The following GOLIM4 variants were observed in gnomAD, a reference collection of about 807,000 sequenced individuals.
GOLIM4 encodes golgi integral membrane protein 4, also known as 130 kDa golgi-localized phosphoprotein.
A neutral mutation model predicts 107.4 loss-of-function variants in GOLIM4; 71 were observed. The ratio of observed to expected loss-of-function variants is 0.66; its 90% CI spans 0.55 to 0.81. The LOEUF (loss-of-function observed/expected upper bound fraction) is 0.81. Among genes scored for constraint, GOLIM4 ranks in the 30% least tolerant of loss-of-function variants. The pLI is 0.00. For missense variants in GOLIM4, 830 were observed against 826.1 expected, an observed-to-expected ratio of 1.00 and a Z score of -0.06; for synonymous variants, 327 against 294.8, an observed-to-expected ratio of 1.11 and a Z score of -1.12.
chr3:168,057,033 A>T (rs1027789045), intron 1 of GOLIM4, among the ~76,000 whole-genome samples: 1 of 152,080 alleles, frequency 6.6e-6, no homozygotes, highest in Admixed American at 6.6e-5. Context: ...TTGAATTCCC[A>T]TATGTTGAGG....
At chr3:168,083,401 G>A (rs950288791) in intron 1 of GOLIM4, among the ~76,000 whole-genome samples, 2 of 152,144 alleles carry the variant, frequency 1.3e-5, no homozygotes, top group Non-Finnish European at 2.9e-5. Flanking sequence ...TTATCAATGG[G>A]TTTTGAAACT....
At chr3:168,031,576 G>A (rs980787842) in intron 9 of GOLIM4, among the ~76,000 whole-genome samples, 7 of 152,326 alleles carry the variant, frequency 4.6e-5, no homozygotes, top group Non-Finnish European at 7.4e-5. Context: ...AAGGAAAGAG[G>A]TAGAGGGTTG....
chr3:168,062,288 T>C (rs1414010998), intron 1 of GOLIM4, among the ~76,000 whole-genome samples: 1 of 152,098 alleles, frequency 6.6e-6, no homozygotes, highest in Non-Finnish European at 1.5e-5. Flanking sequence ...TCACTGGAAA[T>C]CTTGTCCTAA....
chr3:168,090,490 A>T (rs1721854195), intron 1 of GOLIM4, among the ~76,000 whole-genome samples: 1 of 152,230 alleles, frequency 6.6e-6, no homozygotes, highest in Non-Finnish European at 1.5e-5. Flanking sequence ...CACTAGTCAG[A>T]ACGGCTTTTA....
chr3:168,032,859 C>T lies in GOLIM4; in HGVS notation c.844-7G>A, dbSNP rs1007765009. The stretch of plus-strand genomic sequence containing the variant: ...CATCATTATTTCGAGACACCTAGGC[C>T]AAGCACATCACTGGGAATGACACTC... On this transcript the variant is annotated splice_polypyrimidine_tract_variant and splice_region_variant and intron_variant, in intron 8 of 15. Transcript: ENST00000470487. The T allele has an allele frequency of 6.3e-7, 1 of 1,594,164 alleles. No homozygotes were observed. Among genetic ancestry groups the T allele is most frequent in the Admixed American group, 1.7e-5 (1 of 58,830 alleles).
intron 1 of GOLIM4, among the ~76,000 whole-genome samples, chr3:168,076,835 T>C (rs1668277863): frequency 6.6e-6 from 1 of 152,226 alleles, no homozygotes; most frequent in Admixed American, 6.5e-5. Flanking sequence ...AAAAATCCAG[T>C]ATGAAAGTTT....
At chr3:168,084,824 C>T (rs1232051052) in intron 1 of GOLIM4, among the ~76,000 whole-genome samples, 2 of 151,984 alleles carry the variant, frequency 1.3e-5, no homozygotes, top group African/African-American at 4.8e-5. Context: ...TTTAAGAAGG[C>T]TGATGGAAGG....
At chr3:168,044,765 A>G (rs1270856024) in intron 4 of GOLIM4, 63 bp downstream of exon 4, 6 of 873,110 alleles carry the variant, frequency 6.9e-6, no homozygotes, top group East Asian at 5.1e-5. Flanking sequence ...AAAGGCCATT[A>G]GTCAGTTCAA....
rs576922719 is a variant in GOLIM4 at position 168,056,537 on chromosome 3, T to A, written c.188-8172A>T. ...GCCACAGACACTCAACACGAGCCCA[T>A]GAAAGCAGCTGGGAGGGAGGCTGTA... On this transcript the variant is annotated intron_variant, in intron 1 of 15. Transcript: ENST00000470487. 3.2e-4 allele frequency among the ~76,000 whole-genome samples: 49 copies of A among 152,224 alleles called. 1 individual carries two copies. The South Asian group carries it at 9.7e-3, about 30-fold the overall frequency.
Position 168,014,049 on chromosome 3 carries a change from C to A in GOLIM4, c.1861-3226G>T, listed in dbSNP as rs1276927730. On this transcript the variant is annotated intron_variant, in intron 14 of 15. Transcript: ENST00000470487. ...AGAAATAACTAAAATCAGAGCAGAACTGAAGGAAAAAGAGACACAAAAAAC... is the reference window on the plus strand; with the variant it reads ...AGAAATAACTAAAATCAGAGCAGAAATGAAGGAAAAAGAGACACAAAAAAC... 1.5e-5 allele frequency among the ~76,000 whole-genome samples: 2 copies of A among 135,900 alleles called. 1 individual carries two copies. Among genetic ancestry groups the A allele is most frequent in the African/African-American group, 7.2e-5 (2 of 27,814 alleles). The allele number at this position is 135,900 out of a possible 152,430, so 89.2% of individuals were successfully genotyped here. A position where few individuals can be genotyped will look rare whatever the true frequency, so the allele number is the denominator to read the frequency against.
chr3:168,085,028 T>C (rs1721552573), intron 1 of GOLIM4, among the ~76,000 whole-genome samples: 1 of 151,912 alleles, frequency 6.6e-6, no homozygotes, highest in Admixed American at 6.6e-5. Flanking sequence ...GTGCTGAAGA[T>C]GTCACCTGGT....
intron 1 of GOLIM4, among the ~76,000 whole-genome samples, chr3:168,065,790 T>G (rs776741936): frequency 6.6e-6 from 1 of 152,220 alleles, no homozygotes; most frequent in Admixed American, 6.5e-5. Flanking sequence ...CTTGCATGTT[T>G]CTGTAAACAA....
At chr3:168,048,587 T>C (rs1271684755) in intron 1 of GOLIM4, among the ~76,000 whole-genome samples, 1 of 152,200 alleles carries the variant, frequency 6.6e-6, no homozygotes, top group African/African-American at 2.4e-5. Context: ...AAGCCAGTAC[T>C]CTGAATGATG....
chr3:168,045,664 C>T (rs1441202465), intron 3 of GOLIM4, among the ~76,000 whole-genome samples: 1 of 152,116 alleles, frequency 6.6e-6, no homozygotes, highest in Non-Finnish European at 1.5e-5. Flanking sequence ...GTTTAGGTAC[C>T]ATATCCCTCA....
intron 1 of GOLIM4, among the ~76,000 whole-genome samples, chr3:168,058,093 GA>G (rs572703814): frequency 2.0e-5 from 3 of 151,758 alleles, no homozygotes; most frequent in African/African-American, 4.8e-5. Flanking sequence ...AGAATGCTGA[GA>G]AAAAAAAGAA....
intron 12 of GOLIM4, 66 bp downstream of exon 12, chr3:168,027,662 A>C: frequency 1.1e-6 from 1 of 940,458 alleles, no homozygotes; most frequent in Non-Finnish European, 1.7e-6. Flanking sequence ...GCATCAGGCA[A>C]GTTTTCAACT....
intron 1 of GOLIM4, among the ~76,000 whole-genome samples, chr3:168,053,037 AG>A (rs1324516101): frequency 6.6e-6 from 1 of 152,240 alleles, no homozygotes; most frequent in African/African-American, 2.4e-5. Flanking sequence ...CTTACTTAAA[AG>A]GGGTTTAATA....
Position 168,046,855 on chromosome 3 carries a change from G to A in GOLIM4, c.312+95C>T, listed in dbSNP as rs566080505. The stretch of plus-strand genomic sequence containing the variant: ...GTCCTATAATCCCAGGGATCAAAAA[G>A]TAAAAGAGTTCGCAACTGTATTTCT... On this transcript the variant is annotated intron_variant, in intron 3 of 15. Coordinates refer to ENST00000470487, the MANE Select transcript of GOLIM4 (RefSeq NM_014498.5). 246 of 591,880 alleles carry A rather than the reference G, an allele frequency of 4.2e-4. 3 individuals are homozygous for A. The South Asian group carries it at 6.5e-3, about 16-fold the overall frequency. The allele number at this position is 591,880 out of a possible 1,614,324, so 36.7% of individuals were successfully genotyped here.
At chr3:168,072,870 G>A (rs1300125844) in intron 1 of GOLIM4, among the ~76,000 whole-genome samples, 4 of 152,122 alleles carry the variant, frequency 2.6e-5, no homozygotes, top group Admixed American at 6.5e-5. Flanking sequence ...GCTATTTAAT[G>A]TATGAGCAAA....
Sources: allele counts gnomAD v4.1 joint callset (sites outside exome capture counted in the v4.1 genomes callset), GRCh38; gene constraint gnomAD v4.1.1; transcripts MANE v1.5; gene names NCBI Gene and HGNC (gene_info 2026-07-23, HGNC 2026-07-21).